PRR5: variants seen among roughly 807,000 people sequenced by gnomAD.
The protein encoded by PRR5 is proline-rich protein 5.
A neutral mutation model predicts 30.6 loss-of-function variants in PRR5; 25 were observed. The observed-to-expected ratio is 0.82, with a 90% CI of 0.60 to 1.14. PRR5 has a LOEUF of 1.14. Among genes scored for constraint, PRR5 ranks in the 50% most tolerant of loss-of-function variants. PRR5 has a pLI of 0.00. For synonymous variants in PRR5, 286 were observed against 247.1 expected (o/e 1.16, Z -1.48); for missense variants, 600 against 547.1 (o/e 1.10, Z -0.96).
chr22:44,686,037 C>T (rs1252638664), intron 1 of PRR5, among the ~76,000 whole-genome samples: 1 of 152,106 alleles, frequency 6.6e-6, no homozygotes, highest in African/African-American at 2.4e-5. Flanking sequence ...GGCAAATCCC[C>T]TGAGGTCAGG....
At chr22:44,675,004 T>C (rs957568775), upstream of PRR5, among the ~76,000 whole-genome samples, 4 of 144,796 alleles carry the variant, frequency 2.8e-5, no homozygotes, top group African/African-American at 1.0e-4. Context: ...ATCCCAGCAC[T>C]TTGGGAGGCC....
At chr22:44,733,382 C>G (rs13054169) in intron 6 of PRR5, among the ~76,000 whole-genome samples, 1 of 152,298 alleles carries the variant, frequency 6.6e-6, no homozygotes, top group East Asian at 1.9e-4. Context: ...CCAGCTTCAC[C>G]CCGGCTCTCG....
At chr22:44,719,924 T>G (rs930860993) in intron 2 of PRR5, among the ~76,000 whole-genome samples, 1 of 152,188 alleles carries the variant, frequency 6.6e-6, no homozygotes, top group Non-Finnish European at 1.5e-5. Context: ...CTGCAGACCC[T>G]TCCCACAGCT....
chr22:44,725,167 C>T (rs1268914539), intron 2 of PRR5, 77 bp from the exon 3 acceptor site: 4 of 1,592,924 alleles, frequency 2.5e-6, no homozygotes, highest in Admixed American at 1.7e-5. Context: ...CCCAGGAGGC[C>T]CCACCCCAGT....
intron 1 of PRR5, among the ~76,000 whole-genome samples, chr22:44,694,791 A>ACC (rs1223423679): frequency 6.6e-6 from 1 of 152,162 alleles, no homozygotes; most frequent in African/African-American, 2.4e-5. Context: ...GTGCTCACTA[A>ACC]CCCCAGGAGG....
At chr22:44,736,262 G>A (rs941550762) in intron 7 of PRR5, among the ~76,000 whole-genome samples, 21 of 152,178 alleles carry the variant, frequency 1.4e-4, no homozygotes, top group African/African-American at 2.7e-4. Context: ...TGGAATCCCC[G>A]CCTTGACCTT....
chr22:44,736,719 C>A (rs576965839), intron 7 of PRR5, 53 bp from the exon 8 acceptor site: 1 of 1,511,064 alleles, frequency 6.6e-7, no homozygotes, highest in Non-Finnish European at 8.9e-7. Context: ...GGTGCCAAGG[C>A]GGGCGGGGAC....
intron 1 of PRR5, among the ~76,000 whole-genome samples, chr22:44,682,234 C>T (rs1924358303): frequency 6.6e-6 from 1 of 152,236 alleles, no homozygotes; most frequent in Admixed American, 6.5e-5. Flanking sequence ...GGCCACAGTG[C>T]CGGGCAGATT....
At chr22:44,734,728 C>T (rs995753711) in intron 6 of PRR5, 2 of 447,274 alleles carry the variant, frequency 4.5e-6, no homozygotes, top group African/African-American at 4.0e-5. Flanking sequence ...GTACAGGGCC[C>T]CTCCGAGGGG....
At chr22:44,680,873 G>GGGGCA (rs1924215193) in intron 1 of PRR5, among the ~76,000 whole-genome samples, 1 of 152,196 alleles carries the variant, frequency 6.6e-6, no homozygotes, top group African/African-American at 2.4e-5. Context: ...TTGAGAACCT[G>GGGGCA]GGGCAGGGCA....
chr22:44,674,217 C>T (rs1189694292), upstream of PRR5, among the ~76,000 whole-genome samples: 3 of 151,826 alleles, frequency 2.0e-5, no homozygotes, highest in Non-Finnish European at 4.4e-5. Context: ...TGCAGTGGCA[C>T]AATCACCACA....
At chr22:44,688,979 A>C (rs1378998663) in intron 1 of PRR5, among the ~76,000 whole-genome samples, 1 of 152,142 alleles carries the variant, frequency 6.6e-6, no homozygotes, top group East Asian at 1.9e-4. Flanking sequence ...CTTATATCTT[A>C]TGTGTTATAA....
At chr22:44,721,844 C>T (rs909801388) in intron 2 of PRR5, among the ~76,000 whole-genome samples, 1 of 152,234 alleles carries the variant, frequency 6.6e-6, no homozygotes, top group Non-Finnish European at 1.5e-5. Flanking sequence ...TGAGCAGACG[C>T]CCTCGGGTTC....
At chr22:44,717,521 A>G (rs2147094467) in intron 2 of PRR5, among the ~76,000 whole-genome samples, 1 of 151,958 alleles carries the variant, frequency 6.6e-6, no homozygotes, top group Non-Finnish European at 1.5e-5. Context: ...CCCAGCAAGA[A>G]GGCTTTAGCA....
At chr22:44,720,846 A>G (rs1205458608) in intron 2 of PRR5, among the ~76,000 whole-genome samples, 1 of 152,128 alleles carries the variant, frequency 6.6e-6, no homozygotes, top group African/African-American at 2.4e-5. Flanking sequence ...CTGTTGGGTG[A>G]GAGGAAATGT....
In PRR5 at chr22:44,735,129, A is replaced by G; in HGVS notation, c.658A>G (p.Ser220Gly). 1.2e-6 allele frequency: 2 copies of G among 1,613,144 alleles called. No homozygotes were observed. Among genetic ancestry groups the G allele is most frequent in the Non-Finnish European group, 1.7e-6 (2 of 1,179,868 alleles). ...PYLGTYGLHS[S>G]EGPFTHSCIL... ...CCTGGGCACCTACGGCCTCCACTCC[A>G]GCGAGGGGCCCTTCACCCATTCCTG... The change falls in exon 7 of 8, where the codon AGC (serine) becomes GGC (glycine). Residue 220 changes from serine to glycine, a missense_variant. Coordinates refer to ENST00000336985, the MANE Select transcript of PRR5 (RefSeq NM_181333.4).
In PRR5 at chr22:44,735,852, T is replaced by C. The variant is rs536723154; in HGVS notation, c.691+690T>C. Among the ~76,000 whole-genome samples, 122 of 152,304 alleles carry C rather than the reference T, an allele frequency of 8.0e-4. 1 individual carries two copies. The highest frequency in any genetic ancestry group is 4.1e-3 in the South Asian group (20 of 4,826). On this transcript the variant is annotated intron_variant, in intron 7 of 7. Coordinates refer to ENST00000336985, the MANE Select transcript of PRR5 (RefSeq NM_181333.4). ...GGCTCCCCGTCCCCACCTGCTGGTG[T>C]AAAACCTGCCCACTGGTGTGTCTCA...
At chr22:44,717,180 C>A (rs1391841536) in intron 2 of PRR5, among the ~76,000 whole-genome samples, 1 of 145,506 alleles carries the variant, frequency 6.9e-6, no homozygotes, top group Non-Finnish European at 1.5e-5. Flanking sequence ...CCAAATGGTC[C>A]CCCTTACCCT....
intron 1 of PRR5, among the ~76,000 whole-genome samples, chr22:44,693,775 G>A (rs141630643): frequency 0.053 from 7,523 of 141,300 alleles, 444 homozygotes; most frequent in African/African-American, 0.14. Flanking sequence ...GACTACAGGC[G>A]CCTGCCACCA....
Sources: gnomAD v4.1 joint callset for allele counts (sites outside exome capture counted in the v4.1 genomes callset) on GRCh38, gnomAD v4.1.1 for gene constraint, MANE v1.5 for transcripts, NCBI Gene and HGNC (gene_info 2026-07-23, HGNC 2026-07-21) for gene names.